Variants in AGBL1 observed in about 807,000 individuals in gnomAD.
The protein encoded by AGBL1 is AGBL carboxypeptidase 1.
A neutral mutation model predicts 118.9 loss-of-function variants in AGBL1; 130 were observed. That is an observed-to-expected ratio of 1.09 (90% CI 0.95 to 1.26). The LOEUF (loss-of-function observed/expected upper bound fraction) is 1.26, where lower values mean the gene tolerates loss of function less well. AGBL1 is among the 50% of genes most tolerant of loss of function. The pLI is 0.00. For synonymous variants in AGBL1, 555 were observed against 478.9 expected (o/e 1.16, Z -2.08); for missense variants, 1,584 against 1,298.1 (o/e 1.22, Z -3.38).
At chr15:86,325,345 C>T (rs1434009890) in intron 17 of AGBL1, among the ~76,000 whole-genome samples, 1 of 152,072 alleles carries the variant, frequency 6.6e-6, no homozygotes, top group Non-Finnish European at 1.5e-5. Context: ...CTAAATTAAG[C>T]AGGAGGAACT....
chr15:86,691,899 A>G (rs978873286), intron 22 of AGBL1, among the ~76,000 whole-genome samples: 8 of 152,122 alleles, frequency 5.3e-5, no homozygotes, highest in African/African-American at 1.9e-4. Context: ...GCCTGATCCC[A>G]TGTCCAATCA....
At chr15:86,679,603 G>A (rs1435871769) in intron 22 of AGBL1, among the ~76,000 whole-genome samples, 1 of 151,924 alleles carries the variant, frequency 6.6e-6, no homozygotes, top group Non-Finnish European at 1.5e-5. Context: ...TAAGGCTGAG[G>A]CATTTATGAG....
intron 24 of AGBL1, among the ~76,000 whole-genome samples, chr15:86,996,454 G>A (rs1369327748): frequency 1.3e-5 from 2 of 152,100 alleles, no homozygotes; most frequent in Non-Finnish European, 2.9e-5. Context: ...ATCTGTGTTT[G>A]GAGATTCACC....
intron 15 of AGBL1, among the ~76,000 whole-genome samples, chr15:86,274,099 C>T (rs1022389042): frequency 2.0e-5 from 3 of 151,548 alleles, no homozygotes; most frequent in African/African-American, 4.9e-5. Flanking sequence ...TATTATGCAC[C>T]TAAGAAAGCA....
At chr15:86,988,712 T>C (rs1461001496) in intron 24 of AGBL1, among the ~76,000 whole-genome samples, 2 of 152,166 alleles carry the variant, frequency 1.3e-5, no homozygotes, top group African/African-American at 2.4e-5. Context: ...TAACTGTATA[T>C]TGCTAGTGTG....
chr15:86,383,070 C>A (rs964188717), intron 17 of AGBL1, among the ~76,000 whole-genome samples: 1 of 151,904 alleles, frequency 6.6e-6, no homozygotes, highest in Admixed American at 6.6e-5. Flanking sequence ...TTTTCACCTT[C>A]TATGTTATTG....
intron 23 of AGBL1, among the ~76,000 whole-genome samples, chr15:86,948,162 G>A (rs1252208376): frequency 6.6e-6 from 1 of 152,100 alleles, no homozygotes; most frequent in African/African-American, 2.4e-5. Flanking sequence ...TGACTTGGGG[G>A]GAGGAGGTGG....
intron 22 of AGBL1, among the ~76,000 whole-genome samples, chr15:86,743,753 C>G (rs1465832390): frequency 6.6e-6 from 1 of 152,024 alleles, no homozygotes; most frequent in African/African-American, 2.4e-5. Flanking sequence ...TCTGAATGAC[C>G]TTATAGCAAT....
chr15:86,542,176 G>A (rs1175009903), intron 19 of AGBL1, among the ~76,000 whole-genome samples: 1 of 152,142 alleles, frequency 6.6e-6, no homozygotes, highest in Non-Finnish European at 1.5e-5. Context: ...ATAATGTAGG[G>A]GAGAGTATGC....
chr15:86,154,670 A>C, intron 4 of AGBL1, 109 bp downstream of exon 4: 2 of 1,318,624 alleles, frequency 1.5e-6, no homozygotes, highest in Non-Finnish European at 2.0e-6. Context: ...AGAGATACAC[A>C]TGGTGGTCCC....
intron 9 of AGBL1, among the ~76,000 whole-genome samples, chr15:86,258,887 A>T (rs2078939323): frequency 6.6e-6 from 1 of 152,118 alleles, no homozygotes; most frequent in Admixed American, 6.5e-5. Context: ...TTGTATTTTT[A>T]GTAGAAACAG....
intron 17 of AGBL1, among the ~76,000 whole-genome samples, chr15:86,381,071 G>A (rs999303226): frequency 5.3e-5 from 8 of 152,158 alleles, no homozygotes. Flanking sequence ...AAGAATTGGA[G>A]GGCCCATCAT....
chr15:86,416,868 C>T (rs761805872), intron 18 of AGBL1, among the ~76,000 whole-genome samples: 1 of 152,138 alleles, frequency 6.6e-6, no homozygotes, highest in Non-Finnish European at 1.5e-5. Flanking sequence ...AAAAAGTTTA[C>T]CCAGTTTCCT....
At chr15:86,552,304 A>G (rs1234370425) in intron 20 of AGBL1, among the ~76,000 whole-genome samples, 1 of 152,160 alleles carries the variant, frequency 6.6e-6, no homozygotes, top group Non-Finnish European at 1.5e-5. Flanking sequence ...ACTGCTTTAA[A>G]TAAAGCCTTT....
chr15:86,844,196 C>T (rs1280059305), intron 22 of AGBL1, among the ~76,000 whole-genome samples: 2 of 152,142 alleles, frequency 1.3e-5, no homozygotes, highest in African/African-American at 2.4e-5. Flanking sequence ...CGTGAACACT[C>T]ACATACTAAT....
intron 17 of AGBL1, among the ~76,000 whole-genome samples, chr15:86,384,799 A>C (rs1229637726): frequency 6.6e-6 from 1 of 152,214 alleles, no homozygotes; most frequent in Non-Finnish European, 1.5e-5. Context: ...GGTACAAAAT[A>C]AGAAGGCGAG....
Position 86,264,787 on chromosome 15 carries a change from G to C in AGBL1, c.1616G>C (p.Cys539Ser), listed in dbSNP as rs201827530. 133 of 1,613,686 alleles carry C rather than the reference G, an allele frequency of 8.2e-5. 2 individuals carry two copies. Among genetic ancestry groups the C allele is most frequent in the Middle Eastern group, 4.9e-4 (3 of 6,080 alleles). Residue 539 changes from cysteine to serine, a missense_variant, in exon 11 of 23, where the codon TGT becomes TCT. By Grantham distance (112) the Cys-to-Ser change is moderately radical. Coordinates refer to ENST00000614907, the MANE Select transcript of AGBL1 (RefSeq NM_001386094.1). ...GCATTTCCTGATGTCTGGGGACACT[G>C]TCCCCCTCCCACCACCCAGCCTATG... The part of the protein sequence containing the change: ...MMAFPDVWGH[C>S]PPPTTQPMLE...
intron 17 of AGBL1, among the ~76,000 whole-genome samples, chr15:86,329,246 A>G (rs1298334138): frequency 2.0e-5 from 3 of 152,090 alleles, no homozygotes; most frequent in African/African-American, 7.2e-5. Context: ...AAATCCAGGC[A>G]TTCAGGGCAC....
At chr15:86,534,195 C>T (rs192178855) in intron 19 of AGBL1, among the ~76,000 whole-genome samples, 2 of 147,972 alleles carry the variant, frequency 1.4e-5, no homozygotes, top group East Asian at 2.0e-4. Context: ...GTCAGGTCTA[C>T]AAGGAAACTG....
Sources: allele counts gnomAD v4.1 joint callset (sites outside exome capture counted in the v4.1 genomes callset), GRCh38; gene constraint gnomAD v4.1.1; transcripts MANE v1.5; gene names NCBI Gene and HGNC (gene_info 2026-07-23, HGNC 2026-07-21).